Variants in TSPAN18 observed in about 807,000 individuals in gnomAD.
TSPAN18 encodes tetraspanin 18.
A neutral mutation model predicts 27.3 loss-of-function variants in TSPAN18; 14 were observed. The observed-to-expected ratio is 0.51, with a 90% confidence interval of 0.34 to 0.80. The LOEUF is 0.80. Among genes scored for constraint, TSPAN18 ranks in the 30% least tolerant of loss-of-function variants. The pLI, the probability that TSPAN18 is intolerant of heterozygous loss-of-function variation, is 0.01. For synonymous variants in TSPAN18, 143 were observed against 136.5 expected, an observed-to-expected ratio of 1.05 and a Z score of -0.33; for missense variants, 268 against 323.9, an observed-to-expected ratio of 0.83 and a Z score of 1.32.
rs757464163 is a variant in TSPAN18 at position 44,919,223 on chromosome 11, G to A, written c.343G>A (p.Glu115Lys). The change falls in exon 7 of 10, where the codon GAA becomes AAA. Residue 115 changes from glutamate to lysine, a missense_variant. Transcript: ENST00000520358. The part of the protein sequence containing the change: ...AFIFRENLTR[E>K]FFTKELTKHY... ...CTCCCTCTGCCCCCAGCTCACCCGAGAATTCTTCACCAAGGAGCTCACCAA... is the reference window on the plus strand; with the variant it reads ...CTCCCTCTGCCCCCAGCTCACCCGAAAATTCTTCACCAAGGAGCTCACCAA... The A allele has an allele frequency of 6.8e-6, 11 of 1,614,026 alleles. No individual in the cohort carries two copies. The highest frequency in any genetic ancestry group is 1.1e-5 in the South Asian group (1 of 91,074).
chr11:44,929,415 A>G lies in TSPAN18; in HGVS notation c.*237A>G. The G allele has an allele frequency of 7.0e-6, 4 of 574,962 alleles. No homozygotes were observed. The highest frequency in any genetic ancestry group is 1.2e-5 in the Non-Finnish European group (4 of 326,318). 35.6% of individuals were successfully genotyped at this position (574,962 alleles called of 1,614,324 possible). ...AGGGCAGGTGCCGTGGGTTCTCCAG[A>G]GACCCCAGCAACTGGCCCAGGATGC... On this transcript the variant is annotated 3_prime_UTR_variant, in exon 10 of 10. Coordinates refer to ENST00000520358, the MANE Select transcript of TSPAN18 (RefSeq NM_130783.5).
rs528399198 is a variant in TSPAN18 at position 44,845,654 on chromosome 11, C to A, written c.-152-14674C>A. 3.3e-5 allele frequency among the ~76,000 whole-genome samples: 5 copies of A among 152,344 alleles called. No individual in the cohort carries two copies. The East Asian group carries it at 9.6e-4, about 29-fold the overall frequency. ...GCAAAGAGAGGAATGACATTCCAGACCAAGAGAACTGCATGGACAGAAGCC... is the reference window on the plus strand; with the variant it reads ...GCAAAGAGAGGAATGACATTCCAGAACAAGAGAACTGCATGGACAGAAGCC... On this transcript the variant is annotated intron_variant, in intron 2 of 9. Transcript: ENST00000520358.
chr11:44,885,690 GC>G (rs1347424048), intron 3 of TSPAN18, among the ~76,000 whole-genome samples: 1 of 152,164 alleles, frequency 6.6e-6, no homozygotes, highest in African/African-American at 2.4e-5. Context: ...ATCTACTGAG[GC>G]CCAAGCCCCA....
chr11:44,728,518 G>T (rs1177544045), intron 1 of TSPAN18, among the ~76,000 whole-genome samples: 1 of 152,094 alleles, frequency 6.6e-6, no homozygotes, highest in Non-Finnish European at 1.5e-5. Flanking sequence ...AGTAAACTGG[G>T]AGGCACAGGG....
chr11:44,892,443 C>T (rs1858885059), intron 3 of TSPAN18, among the ~76,000 whole-genome samples: 1 of 152,232 alleles, frequency 6.6e-6, no homozygotes, highest in African/African-American at 2.4e-5. Flanking sequence ...AATGGAGTGA[C>T]CTCCGTGCTT....
chr11:44,860,166 G>A (rs967665968), intron 2 of TSPAN18, among the ~76,000 whole-genome samples, 162 bp from the exon 3 acceptor site: 4 of 152,120 alleles, frequency 2.6e-5, no homozygotes, highest in African/African-American at 4.8e-5. Flanking sequence ...TATTTCAGTC[G>A]GATCTAGATG....
intron 2 of TSPAN18, among the ~76,000 whole-genome samples, chr11:44,860,118 C>T (rs1011577427): frequency 7.2e-5 from 11 of 152,186 alleles, no homozygotes; most frequent in Non-Finnish European, 1.0e-4. Flanking sequence ...CAAACACAGG[C>T]ACATGCATAC....
intron 3 of TSPAN18, among the ~76,000 whole-genome samples, chr11:44,865,799 T>A (rs1005976154): frequency 6.6e-6 from 1 of 152,036 alleles, no homozygotes; most frequent in African/African-American, 2.4e-5. Flanking sequence ...TGCCAAGGGG[T>A]CTCAGTGGAG....
chr11:44,912,969 C>T (rs1328594505), intron 5 of TSPAN18, among the ~76,000 whole-genome samples: 1 of 151,754 alleles, frequency 6.6e-6, no homozygotes. Flanking sequence ...CAGAGAAAGG[C>T]ACCAAAGTTT....
At chr11:44,755,367 G>A (rs1017716648) in intron 1 of TSPAN18, among the ~76,000 whole-genome samples, 1 of 152,094 alleles carries the variant, frequency 6.6e-6, no homozygotes, top group African/African-American at 2.4e-5. Context: ...AATTAACCAG[G>A]CTGATTGGGA....
At chr11:44,834,604 T>C (rs1447771601) in intron 2 of TSPAN18, among the ~76,000 whole-genome samples, 1 of 152,138 alleles carries the variant, frequency 6.6e-6, no homozygotes, top group Admixed American at 6.5e-5. Context: ...GGGGAAGTCA[T>C]AGAGAGAGGG....
chr11:44,807,025 G>T (rs1440184197), intron 2 of TSPAN18, among the ~76,000 whole-genome samples: 4 of 151,866 alleles, frequency 2.6e-5, no homozygotes, highest in Non-Finnish European at 4.4e-5. Flanking sequence ...TTTAAAAAAT[G>T]AGTTGGGTTT....
intron 2 of TSPAN18, among the ~76,000 whole-genome samples, chr11:44,837,875 C>A (rs915538576): frequency 5.3e-5 from 8 of 152,214 alleles, no homozygotes; most frequent in Non-Finnish European, 1.2e-4. Flanking sequence ...CACTTAATAA[C>A]AGTATGGTGT....
At chr11:44,824,711 C>CA (rs1474922121) in intron 2 of TSPAN18, among the ~76,000 whole-genome samples, 1 of 152,262 alleles carries the variant, frequency 6.6e-6, no homozygotes, top group African/African-American at 2.4e-5. Context: ...AGAGTAAACA[C>CA]ACTGGGCTTC....
chr11:44,867,693 C>G (rs1306574939), intron 3 of TSPAN18, among the ~76,000 whole-genome samples: 1 of 152,074 alleles, frequency 6.6e-6, no homozygotes, highest in Admixed American at 6.5e-5. Flanking sequence ...GCCACCACAC[C>G]CGGCTCGTTT....
In TSPAN18 at chr11:44,926,656, C is replaced by G. The variant is rs1860367645; in HGVS notation, c.616-18C>G. ...CTCAACCCTGGCCATAGCTTGACCT[C>G]TCATCCCTCCCTCCCAGGGCTGTTA... On this transcript the variant is annotated intron_variant, in intron 8 of 9. Transcript: ENST00000520358. The G allele has an allele frequency of 6.2e-7, 1 of 1,613,260 alleles. No individual in the cohort carries two copies. The highest frequency in any genetic ancestry group is 1.7e-5 in the Admixed American group (1 of 60,002).
chr11:44,849,098 T>C (rs1175478378), intron 2 of TSPAN18, among the ~76,000 whole-genome samples: 2 of 152,156 alleles, frequency 1.3e-5, no homozygotes, highest in African/African-American at 4.8e-5. Flanking sequence ...GTGCAGCACC[T>C]GCTTGTGGTA....
Position 44,879,448 on chromosome 11 carries a change from C to T in TSPAN18, c.-11+18979C>T, listed in dbSNP as rs556222097. Among the ~76,000 whole-genome samples, 4 of 152,276 alleles carry T rather than the reference C, an allele frequency of 2.6e-5. No homozygotes were observed. In the East Asian group the frequency reaches 7.7e-4, roughly 29 times the overall value. Reference sequence around the variant, plus strand: ...AAAGAGGGGACAGACAGTGATGGAGCGCGTGGGGTTTTGTGTGAGAGGGGC... The same window carrying T: ...AAAGAGGGGACAGACAGTGATGGAGTGCGTGGGGTTTTGTGTGAGAGGGGC... On this transcript the variant is annotated intron_variant, in intron 3 of 9. Transcript: ENST00000520358.
At chr11:44,738,222 A>G (rs1428321787) in intron 1 of TSPAN18, among the ~76,000 whole-genome samples, 1 of 152,006 alleles carries the variant, frequency 6.6e-6, no homozygotes, top group African/African-American at 2.4e-5. Context: ...GTTACTGGTA[A>G]TCCTCCGTGT....
Sources: gnomAD v4.1 joint callset for allele counts (sites outside exome capture counted in the v4.1 genomes callset) on GRCh38, gnomAD v4.1.1 for gene constraint, MANE v1.5 for transcripts, NCBI Gene and HGNC (gene_info 2026-07-23, HGNC 2026-07-21) for gene names.